The following WASF2 variants were observed in gnomAD, a reference collection of about 807,000 sequenced individuals.
WASF2 encodes WASP family member 2, also known as actin-binding protein WASF2.
A neutral mutation model predicts 45.0 loss-of-function variants in WASF2; 14 were observed. The ratio of observed to expected loss-of-function variants is 0.31; its 90% CI spans 0.21 to 0.49. The LOEUF (loss-of-function observed/expected upper bound fraction) is 0.49, where lower values mean the gene tolerates loss of function less well. Ranked by LOEUF, WASF2 falls within the 20% of genes least tolerant of loss-of-function variation. WASF2 has a pLI of 0.99. For missense variants in WASF2, 439 were observed against 636.1 expected (o/e 0.69, Z 3.33); for synonymous variants, 200 against 236.3 (o/e 0.85, Z 1.41).
chr1:27,477,621 C>T (rs951679913), intron 1 of WASF2, among the ~76,000 whole-genome samples: 3 of 104,800 alleles, frequency 2.9e-5, no homozygotes, highest in Admixed American at 1.6e-4. Context: ...ATAAATCGGC[C>T]GGGCGCGGTG....
intron 1 of WASF2, among the ~76,000 whole-genome samples, chr1:27,476,406 G>A (rs1234675605): frequency 6.6e-6 from 1 of 152,206 alleles, no homozygotes; most frequent in Non-Finnish European, 1.5e-5. Flanking sequence ...CTCAGAGCGA[G>A]AGCTCACTTA....
Position 27,409,951 on chromosome 1 carries a change from A to G in WASF2, c.1080T>C (p.Asp360=). The G allele has an allele frequency of 6.2e-7, 1 of 1,609,734 alleles. No homozygotes were observed. Among genetic ancestry groups the G allele is most frequent in the Non-Finnish European group, 8.5e-7 (1 of 1,177,830 alleles). ...GAGGAGGAGGTGGAGGGGCAGCAAA[A>G]TCAGGGTGAGGTGGGAAAGATGGGG... ...PSPPSFPPHP[D]FAAPPPPPPP... is the part of the protein sequence containing the mutation. Residue 360 remains aspartate (D), a synonymous_variant, in exon 8 of 9, where the codon GAT becomes GAC. Coordinates refer to ENST00000618852, the MANE Select transcript of WASF2 (RefSeq NM_006990.5).
At chr1:27,413,213 G>A (rs1053903114) in intron 6 of WASF2, among the ~76,000 whole-genome samples, 3 of 152,332 alleles carry the variant, frequency 2.0e-5, no homozygotes, top group Admixed American at 6.5e-5. Flanking sequence ...AAATCAAGCT[G>A]AGGATGAATG....
intron 1 of WASF2, among the ~76,000 whole-genome samples, chr1:27,454,382 T>C (rs1187257750): frequency 6.6e-6 from 1 of 150,672 alleles, no homozygotes; most frequent in Non-Finnish European, 1.5e-5. Flanking sequence ...GAGACTGTTT[T>C]CCTGTTGTTC....
intron 5 of WASF2, among the ~76,000 whole-genome samples, chr1:27,415,652 C>G (rs947116318): frequency 2.6e-5 from 4 of 151,990 alleles, no homozygotes; most frequent in African/African-American, 9.7e-5. Context: ...AGCTGCAAAA[C>G]TAGTGGAGAA....
chr1:27,428,998 A>T, intron 1 of WASF2, 65 bp from the exon 2 acceptor site: 3 of 1,213,540 alleles, frequency 2.5e-6, no homozygotes, highest in Non-Finnish European at 3.4e-6. Flanking sequence ...GGGCTGTGTG[A>T]ATCTTTTTTT....
chr1:27,465,075 C>T (rs1044471052), intron 1 of WASF2, among the ~76,000 whole-genome samples: 1 of 152,154 alleles, frequency 6.6e-6, no homozygotes, highest in African/African-American at 2.4e-5. Context: ...CGCAAGGAAA[C>T]ACATTCTGAC....
At chr1:27,462,120 G>T (rs966637714) in intron 1 of WASF2, among the ~76,000 whole-genome samples, 1 of 151,696 alleles carries the variant, frequency 6.6e-6, no homozygotes, top group African/African-American at 2.4e-5. Flanking sequence ...TGGGACTAAA[G>T]GCACATGCCA....
chr1:27,471,275 G>A (rs1343604569), intron 1 of WASF2, among the ~76,000 whole-genome samples: 6 of 150,036 alleles, frequency 4.0e-5, no homozygotes, highest in Admixed American at 3.3e-4. Flanking sequence ...AACCCGGGAG[G>A]CGGAGCTTGC....
chr1:27,472,231 A>G (rs1481663421), intron 1 of WASF2, among the ~76,000 whole-genome samples: 6 of 150,916 alleles, frequency 4.0e-5, no homozygotes, highest in Non-Finnish European at 8.9e-5. Context: ...CTCGAGAGGC[A>G]GGAGAATTGC....
At chr1:27,475,424 A>G (rs1178636354) in intron 1 of WASF2, among the ~76,000 whole-genome samples, 1 of 152,192 alleles carries the variant, frequency 6.6e-6, no homozygotes, top group Non-Finnish European at 1.5e-5. Flanking sequence ...GGCTTCTGCC[A>G]TCAACAGTTC....
chr1:27,457,801 T>C (rs1471877814), intron 1 of WASF2, among the ~76,000 whole-genome samples: 1 of 151,966 alleles, frequency 6.6e-6, no homozygotes, highest in Non-Finnish European at 1.5e-5. Flanking sequence ...TTAAAAATTT[T>C]TGTAGAAATT....
chr1:27,480,611 G>A (rs1324499599), intron 1 of WASF2, among the ~76,000 whole-genome samples: 1 of 152,154 alleles, frequency 6.6e-6, no homozygotes. Context: ...ATGGAGGAAG[G>A]AGAGGAGGTT....
At chr1:27,424,872 G>C (rs115498769) in intron 2 of WASF2, among the ~76,000 whole-genome samples, 3,894 of 152,248 alleles carry the variant, frequency 0.026, 168 homozygotes, top group African/African-American at 0.088. Flanking sequence ...ATATAGGCAT[G>C]TAACGGGAGC....
chr1:27,435,471 T>C (rs1422397585), intron 1 of WASF2, among the ~76,000 whole-genome samples: 1 of 151,994 alleles, frequency 6.6e-6, no homozygotes, highest in Non-Finnish European at 1.5e-5. Flanking sequence ...GCCTATAGTC[T>C]CAGCTACTTG....
At chr1:27,437,343 T>C (rs2148116563) in intron 1 of WASF2, among the ~76,000 whole-genome samples, 1 of 152,352 alleles carries the variant, frequency 6.6e-6, no homozygotes, top group Non-Finnish European at 1.5e-5. Context: ...ACCTGGATTC[T>C]AGCTTTCAAT....
chr1:27,435,437 T>C (rs911727714), intron 1 of WASF2, among the ~76,000 whole-genome samples: 1 of 152,026 alleles, frequency 6.6e-6, no homozygotes, highest in Non-Finnish European at 1.5e-5. Flanking sequence ...ATTTTAAAAA[T>C]TAGCTGGGTG....
chr1:27,441,776 A>G (rs2017235468), intron 1 of WASF2, among the ~76,000 whole-genome samples: 1 of 149,422 alleles, frequency 6.7e-6, no homozygotes, highest in South Asian at 2.1e-4. Context: ...AAAAAAAAAA[A>G]TTAGCCGGGC....
At chr1:27,413,233 A>G (rs1021726771) in intron 6 of WASF2, among the ~76,000 whole-genome samples, 1 of 152,174 alleles carries the variant, frequency 6.6e-6, no homozygotes, top group African/African-American at 2.4e-5. Context: ...GCAGGGTGCT[A>G]TGTGGTAGTA....
Sources: allele counts gnomAD v4.1 joint callset (sites outside exome capture counted in the v4.1 genomes callset), GRCh38; gene constraint gnomAD v4.1.1; transcripts MANE v1.5; gene names NCBI Gene and HGNC (gene_info 2026-07-23, HGNC 2026-07-21).